The following MAGI2 variants were observed in gnomAD, a reference collection of about 807,000 sequenced individuals.
The protein encoded by MAGI2 is membrane-associated guanylate kinase, WW and PDZ domain-containing protein 2.
In MAGI2, 35 loss-of-function variants were observed where a neutral mutation model predicts 133.3. That is an observed-to-expected ratio of 0.26 (90% CI 0.20 to 0.35). The LOEUF is 0.35. MAGI2 is among the 10% of genes least tolerant of loss of function. MAGI2 has a pLI of 1.00. For missense variants in MAGI2, 1,636 were observed against 1,863.4 expected (o/e 0.88, Z 2.25); for synonymous variants, 729 against 710.6 (o/e 1.03, Z -0.41).
intron 1 of MAGI2, among the ~76,000 whole-genome samples, chr7:79,200,447 A>T (rs78155888): frequency 0.17 from 23,316 of 139,480 alleles, 4,435 homozygotes; most frequent in African/African-American, 0.48. Context: ...TACAAAATTA[A>T]AAAAAAAAAA....
chr7:79,048,339 T>C (rs1012326928), intron 1 of MAGI2, among the ~76,000 whole-genome samples: 2 of 152,206 alleles, frequency 1.3e-5, no homozygotes, highest in Non-Finnish European at 2.9e-5. Flanking sequence ...GCTGAAATAA[T>C]ATTACACACA....
chr7:78,528,516 T>C (rs1339847315), intron 3 of MAGI2, among the ~76,000 whole-genome samples: 2 of 152,166 alleles, frequency 1.3e-5, no homozygotes, highest in Non-Finnish European at 2.9e-5. Flanking sequence ...ATCATAGTCA[T>C]ATAGCTATAG....
intron 7 of MAGI2, among the ~76,000 whole-genome samples, chr7:78,347,883 A>G (rs1791080833): frequency 6.6e-6 from 1 of 152,258 alleles, no homozygotes; most frequent in African/African-American, 2.4e-5. Context: ...TGTGGTGCAC[A>G]GTGAACTAAT....
At chr7:79,177,370 C>CT (rs538656938) in intron 1 of MAGI2, among the ~76,000 whole-genome samples, 206 of 151,982 alleles carry the variant, frequency 1.4e-3, no homozygotes, top group African/African-American at 4.5e-3. Flanking sequence ...TTTCTTTTGA[C>CT]TTTTTTATCA....
chr7:78,088,123 G>A (rs1816820689), intron 20 of MAGI2, among the ~76,000 whole-genome samples: 2 of 152,160 alleles, frequency 1.3e-5, no homozygotes, highest in South Asian at 2.1e-4. Flanking sequence ...AACTCTGTAT[G>A]AGTGTTATTT....
At chr7:78,056,448 G>A (rs1812574188) in intron 21 of MAGI2, among the ~76,000 whole-genome samples, 1 of 152,130 alleles carries the variant, frequency 6.6e-6, no homozygotes, top group African/African-American at 2.4e-5. Flanking sequence ...ACTGGATAAA[G>A]AAAATGTGGT....
intron 1 of MAGI2, among the ~76,000 whole-genome samples, chr7:79,326,038 T>C (rs1341977888): frequency 6.6e-6 from 1 of 152,060 alleles, no homozygotes; most frequent in Admixed American, 6.6e-5. Context: ...GAATAAGAAA[T>C]TACCAAATGC....
chr7:78,242,825 C>T (rs1791300262), intron 10 of MAGI2, among the ~76,000 whole-genome samples: 1 of 152,076 alleles, frequency 6.6e-6, no homozygotes, highest in African/African-American at 2.4e-5. Flanking sequence ...TGCCTGTAAT[C>T]CCAGCACTTT....
chr7:78,087,331 A>C (rs1173039715), intron 20 of MAGI2, among the ~76,000 whole-genome samples: 2 of 152,196 alleles, frequency 1.3e-5, no homozygotes, highest in African/African-American at 4.8e-5. Context: ...CAAGGTTTAT[A>C]ATAAAATTCT....
At chr7:79,036,794 A>C (rs1562816205) in intron 1 of MAGI2, among the ~76,000 whole-genome samples, 1 of 152,232 alleles carries the variant, frequency 6.6e-6, no homozygotes, top group Non-Finnish European at 1.5e-5. Context: ...GTACAAATCA[A>C]TGAATGAATA....
chr7:78,814,851 T>G lies in MAGI2; in HGVS notation c.419-187612A>C, dbSNP rs565074608. Among the ~76,000 whole-genome samples the G allele has an allele frequency of 5.3e-5, 8 of 152,300 alleles. No individual in the cohort carries two copies. In the East Asian group the frequency reaches 1.5e-3, roughly 29 times the overall value. ...GATCTTCCTGCTTCAGCCTCCTGATTAGCTGTGATAACAGGTGCATGCCAT... is the reference window on the plus strand; with the variant it reads ...GATCTTCCTGCTTCAGCCTCCTGATGAGCTGTGATAACAGGTGCATGCCAT... On this transcript the variant is annotated intron_variant, in intron 2 of 21. Coordinates refer to ENST00000354212, the MANE Select transcript of MAGI2 (RefSeq NM_012301.4).
intron 1 of MAGI2, among the ~76,000 whole-genome samples, chr7:79,206,875 G>A (rs1006380684): frequency 6.6e-6 from 1 of 151,776 alleles, no homozygotes; most frequent in Non-Finnish European, 1.5e-5. Context: ...CACAATCAAA[G>A]GGAATTCATC....
chr7:78,715,020 T>C (rs1189643725), intron 2 of MAGI2, among the ~76,000 whole-genome samples: 1 of 152,210 alleles, frequency 6.6e-6, no homozygotes, highest in Non-Finnish European at 1.5e-5. Context: ...ACCTCTTATA[T>C]ATGTTTTTCT....
chr7:78,669,062 A>G (rs959677743), intron 2 of MAGI2, among the ~76,000 whole-genome samples: 3 of 152,152 alleles, frequency 2.0e-5, no homozygotes, highest in Non-Finnish European at 2.9e-5. Flanking sequence ...GCAAGAAATA[A>G]CTAAGATCCG....
At chr7:79,375,403 GA>G (rs1288099546) in intron 1 of MAGI2, among the ~76,000 whole-genome samples, 14 of 151,652 alleles carry the variant, frequency 9.2e-5, no homozygotes, top group Non-Finnish European at 1.6e-4. Flanking sequence ...AGCTCTCTTC[GA>G]AAAAACACTC....
intron 1 of MAGI2, among the ~76,000 whole-genome samples, chr7:79,407,759 C>G (rs1266522271): frequency 6.6e-6 from 1 of 151,260 alleles, no homozygotes; most frequent in African/African-American, 2.4e-5. Context: ...ACCTAAAATC[C>G]AAACATATTT....
chr7:78,939,157 C>T (rs991271759), intron 2 of MAGI2, among the ~76,000 whole-genome samples: 2 of 152,028 alleles, frequency 1.3e-5, no homozygotes, highest in Non-Finnish European at 2.9e-5. Context: ...CCACGCCTGG[C>T]TAATGTTTGT....
At chr7:78,392,048 G>A (rs949430620) in intron 6 of MAGI2, among the ~76,000 whole-genome samples, 56 of 152,216 alleles carry the variant, frequency 3.7e-4, no homozygotes, top group African/African-American at 1.3e-3. Context: ...ACATCGTTTC[G>A]ACTCTGCATT....
At chr7:79,071,962 CTG>C (rs1815028665) in intron 1 of MAGI2, among the ~76,000 whole-genome samples, 1 of 152,166 alleles carries the variant, frequency 6.6e-6, no homozygotes, top group Non-Finnish European at 1.5e-5. Context: ...GTTGTGAAGA[CTG>C]TGTGAAAAGT....
Sources: allele counts gnomAD v4.1 joint callset (sites outside exome capture counted in the v4.1 genomes callset), GRCh38; gene constraint gnomAD v4.1.1; transcripts MANE v1.5; gene names NCBI Gene and HGNC (gene_info 2026-07-23, HGNC 2026-07-21).